The following PDE11A variants were observed in gnomAD, a reference collection of about 807,000 sequenced individuals.
The protein encoded by PDE11A is phosphodiesterase 11A, also known as dual 3',5'-cyclic-AMP and -GMP phosphodiesterase 11A.
A neutral mutation model predicts 100.5 loss-of-function variants in PDE11A; 100 were observed. That is an observed-to-expected ratio of 1.00 (90% CI 0.85 to 1.18). The LOEUF is 1.18. PDE11A is among the 50% of genes most tolerant of loss of function. The pLI, the probability that PDE11A is intolerant of heterozygous loss-of-function variation, is 0.00. For missense variants in PDE11A, 1,141 were observed against 1,152.6 expected (o/e 0.99, Z 0.15); for synonymous variants, 381 against 420.8 (o/e 0.91, Z 1.16).
chr2:178,044,995 C>T (rs2086731657), intron 1 of PDE11A, among the ~76,000 whole-genome samples: 1 of 152,180 alleles, frequency 6.6e-6, no homozygotes, highest in South Asian at 2.1e-4. Flanking sequence ...CAGCAAAAAG[C>T]TATTGGATCA....
chr2:178,095,467 T>A (rs1451523449), intron 2 of PDE11A, among the ~76,000 whole-genome samples: 2 of 152,206 alleles, frequency 1.3e-5, no homozygotes, highest in Admixed American at 1.3e-4. Context: ...CTTTGCAGGG[T>A]ACAGCCCTGC....
chr2:177,763,270 T>C lies in PDE11A; in HGVS notation c.1788+6053A>G, dbSNP rs78447489. ...ACTCGGATATTAAACTTGACATAAA[T>C]ACTATTTAAAGTCAAAACAACTTCC... On this transcript the variant is annotated intron_variant, in intron 10 of 19. Coordinates refer to ENST00000286063, the MANE Select transcript of PDE11A (RefSeq NM_016953.4). 3.2e-3 allele frequency among the ~76,000 whole-genome samples: 486 copies of C among 152,196 alleles called. 5 individuals are homozygous for C. In the East Asian group the frequency reaches 0.046, roughly 15 times the overall value.
intron 1 of PDE11A, among the ~76,000 whole-genome samples, chr2:178,043,085 T>C (rs902827175): frequency 6.6e-6 from 1 of 152,170 alleles, no homozygotes; most frequent in Admixed American, 6.5e-5. Flanking sequence ...TAATTTCTGG[T>C]TGTGGTTTAT....
chr2:177,689,274 G>A (rs2081005271), intron 15 of PDE11A, among the ~76,000 whole-genome samples: 1 of 152,056 alleles, frequency 6.6e-6, no homozygotes, highest in African/African-American at 2.4e-5. Context: ...TAGAGACGGG[G>A]TTTCTCCATG....
intron 19 of PDE11A, among the ~76,000 whole-genome samples, chr2:177,648,705 T>G (rs912995509): frequency 1.3e-5 from 2 of 152,102 alleles, no homozygotes; most frequent in African/African-American, 2.4e-5. Flanking sequence ...GGCAGATAGA[T>G]CAGTAGAACT....
At chr2:177,659,983 A>C (rs1380292239) in intron 19 of PDE11A, among the ~76,000 whole-genome samples, 3 of 152,126 alleles carry the variant, frequency 2.0e-5, no homozygotes, top group Non-Finnish European at 4.4e-5. Context: ...TGGCTTCCTG[A>C]TTAAAAGGCT....
At position 177,680,921 on chromosome 2, in the gene PDE11A, G is replaced by GAAGA. The variant is rs745837132; in HGVS notation, c.2346-22_2346-19dup. 2.1e-6 allele frequency: 3 copies of GAAGA among 1,431,958 alleles called. No homozygotes were observed. The highest frequency in any genetic ancestry group is 2.3e-5 in the South Asian group (2 of 85,436). The allele number at this position is 1,431,958 out of a possible 1,614,324, so 88.7% of individuals were successfully genotyped here. The stretch of plus-strand genomic sequence containing the variant: ...TTCTCCTCCTGCAGGAAAATCAAAT[G>GAAGA]AAGAAAGAAAGAAAAAAAAAACTGG... On this transcript the variant is annotated intron_variant, in intron 15 of 19. Transcript: ENST00000286063.
chr2:177,821,905 G>T (rs1272792564), intron 6 of PDE11A, among the ~76,000 whole-genome samples: 1 of 151,818 alleles, frequency 6.6e-6, no homozygotes, highest in African/African-American at 2.4e-5. Flanking sequence ...TGAAGTGCCT[G>T]TTCAGAACTT....
At chr2:177,774,745 C>A (rs1214451067) in intron 9 of PDE11A, among the ~76,000 whole-genome samples, 3 of 152,174 alleles carry the variant, frequency 2.0e-5, no homozygotes, top group Non-Finnish European at 2.9e-5. Flanking sequence ...AATTCACTGG[C>A]TTTTCAAATT....
chr2:177,905,055 AAG>A, intron 3 of PDE11A, 41 bp downstream of exon 3: 1 of 1,019,160 alleles, frequency 9.8e-7, no homozygotes, highest in Non-Finnish European at 1.6e-6. Flanking sequence ...AGAAACCAGA[AAG>A]AGAGTTTTGA....
rs1224226095 is a variant in PDE11A, at chr2:178,072,359, T to C, written c.79A>G (p.Met27Val). ...ACCATCTCCTGCTTCCCCTTCCGCA[T>C]CAAGTAATCTTCAAACAACTCTGGG... ...RHPELFEDYL[M>V]RKGKQEMVEK... The change falls in exon 1 of 20, where the codon ATG becomes GTG. Residue 27 changes from methionine (M) to valine (V), a missense_variant. By Grantham distance (21) the Met-to-Val change is conservative. Coordinates refer to ENST00000286063, the MANE Select transcript of PDE11A (RefSeq NM_016953.4). 1 of 1,614,010 alleles carries C rather than the reference T, an allele frequency of 6.2e-7. No individual in the cohort carries two copies. The highest frequency in any genetic ancestry group is 8.5e-7 in the Non-Finnish European group (1 of 1,180,038).
chr2:177,801,775 A>G (rs1426442382), intron 9 of PDE11A, among the ~76,000 whole-genome samples: 1 of 152,140 alleles, frequency 6.6e-6, no homozygotes, highest in African/African-American at 2.4e-5. Context: ...AAACAGTACA[A>G]TATATTCTTG....
chr2:177,673,409 T>C (rs1159149063), intron 17 of PDE11A, among the ~76,000 whole-genome samples: 1 of 152,186 alleles, frequency 6.6e-6, no homozygotes, highest in African/African-American at 2.4e-5. Flanking sequence ...GTCCCCTGCA[T>C]GGTAGAACAC....
intron 2 of PDE11A, among the ~76,000 whole-genome samples, chr2:178,085,425 T>C (rs1209572601): frequency 6.6e-6 from 1 of 152,124 alleles, no homozygotes; most frequent in African/African-American, 2.4e-5. Context: ...ACCTATCAGA[T>C]ACTATGCTCA....
At position 177,738,024 on chromosome 2, in the gene PDE11A, T is replaced by C. The variant is rs561138341; in HGVS notation, c.1789-9852A>G. Among the ~76,000 whole-genome samples the C allele has an allele frequency of 3.9e-5, 6 of 152,356 alleles. No homozygotes were observed. The South Asian group carries it at 1.0e-3, about 26-fold the overall frequency. On this transcript the variant is annotated intron_variant, in intron 10 of 19. Coordinates refer to ENST00000286063, the MANE Select transcript of PDE11A (RefSeq NM_016953.4). ...GTGAATTTGAGTTGTGTGAACTTTT[T>C]GCCAACCACCCTGGTGATTACCTCA... is the stretch of plus-strand genomic sequence containing the variant.
At chr2:177,630,272 C>T (rs1466710123) in intron 19 of PDE11A, among the ~76,000 whole-genome samples, 4 of 152,034 alleles carry the variant, frequency 2.6e-5, no homozygotes, top group African/African-American at 7.2e-5. Flanking sequence ...TGTGCCAGAC[C>T]CTTCTAAGTA....
In PDE11A at chr2:177,629,421, C is replaced by T. The variant is rs762140419; in HGVS notation, c.2788G>A (p.Glu930Lys). The T allele has an allele frequency of 8.7e-6, 14 of 1,610,770 alleles. No homozygotes were observed. The African/African-American group carries it at 1.3e-4, about 15-fold the overall frequency. Residue 930 changes from glutamate to lysine, a missense_variant, in exon 20 of 20, where the codon GAA (glutamate) becomes AAA (lysine). Glu to Lys is a moderately conservative substitution (Grantham distance 56). Transcript: ENST00000286063. Reference protein sequence around the residue: ...SSPASVMVAKEDRN With the variant: ...SSPASVMVAKKDRN ...GACCTGGAGGTTTAGTTCCTGTCTT[C>T]CTTGGCTACCATAACACTGGCAGGG...
intron 12 of PDE11A, among the ~76,000 whole-genome samples, chr2:177,714,078 C>G (rs920361979): frequency 1.4e-4 from 19 of 134,604 alleles, no homozygotes; most frequent in African/African-American, 4.8e-4. Context: ...ACTGCAAGCT[C>G]CGCTTCCCAG....
chr2:177,857,666 CA>C (rs1342134060), intron 5 of PDE11A, among the ~76,000 whole-genome samples: 2 of 151,806 alleles, frequency 1.3e-5, no homozygotes, highest in Admixed American at 1.3e-4. Context: ...ACAGAAAAGG[CA>C]AATGTAAATC....
Sources: allele counts gnomAD v4.1 joint callset (sites outside exome capture counted in the v4.1 genomes callset), GRCh38; gene constraint gnomAD v4.1.1; transcripts MANE v1.5; gene names NCBI Gene and HGNC (gene_info 2026-07-23, HGNC 2026-07-21).